ELMO1: variants seen among roughly 807,000 people sequenced by gnomAD.
ELMO1 encodes engulfment and cell motility protein 1.
A neutral mutation model predicts 98.9 loss-of-function variants in ELMO1; 26 were observed. The ratio of observed to expected loss-of-function variants is 0.26; its 90% CI spans 0.19 to 0.36. ELMO1 has a LOEUF of 0.36. Among genes scored for constraint, ELMO1 ranks in the 10% least tolerant of loss-of-function variants. The pLI is 1.00. For synonymous variants in ELMO1, 346 were observed against 346.0 expected, an observed-to-expected ratio of 1.00 and a Z score of 0.00; for missense variants, 627 against 935.2, an observed-to-expected ratio of 0.67 and a Z score of 4.30.
intron 1 of ELMO1, among the ~76,000 whole-genome samples, chr7:37,364,346 C>T (rs1801815115): frequency 6.6e-6 from 1 of 152,178 alleles, no homozygotes; most frequent in East Asian, 1.9e-4. Flanking sequence ...AAATCTATGA[C>T]TAAAATTGTT....
rs1298766536 is a variant in ELMO1, at chr7:37,292,043, C to G, written c.193-20161G>C. 1.6e-5 allele frequency among the ~76,000 whole-genome samples: 2 copies of G among 125,992 alleles called. 1 individual carries two copies. The highest frequency in any genetic ancestry group is 5.3e-5 in the African/African-American group (2 of 37,782). 82.7% of individuals were successfully genotyped at this position (125,992 alleles called of 152,430 possible). On this transcript the variant is annotated intron_variant, in intron 4 of 21. Coordinates refer to ENST00000310758, the MANE Select transcript of ELMO1 (RefSeq NM_014800.11). ...CTGCCATCTCGGCTCACTGCAACCTCCCTGCCTGATTCTCCTGCCTCAGCT... is the reference window on the plus strand; with the variant it reads ...CTGCCATCTCGGCTCACTGCAACCTGCCTGCCTGATTCTCCTGCCTCAGCT...
chr7:37,428,774 G>A (rs946301844), intron 1 of ELMO1, among the ~76,000 whole-genome samples: 18 of 152,234 alleles, frequency 1.2e-4, no homozygotes, highest in African/African-American at 4.3e-4. Context: ...AACATACGAT[G>A]TATAGTGCTT....
intron 13 of ELMO1, among the ~76,000 whole-genome samples, chr7:37,203,457 G>T (rs1032130440): frequency 3.9e-5 from 6 of 152,172 alleles, no homozygotes; most frequent in Admixed American, 3.9e-4. Context: ...CTAGCTTCAG[G>T]AATAGCTTTT....
intron 13 of ELMO1, among the ~76,000 whole-genome samples, chr7:37,183,827 C>CA (rs1172759584): frequency 2.6e-5 from 4 of 152,050 alleles, no homozygotes; most frequent in African/African-American, 9.7e-5. Flanking sequence ...AAAATAAAGG[C>CA]AAAATACCTT....
intron 5 of ELMO1, among the ~76,000 whole-genome samples, chr7:37,264,304 AAT>A (rs5883590): frequency 0.32 from 48,143 of 151,886 alleles, 7,709 homozygotes; most frequent in Middle Eastern, 0.42. Flanking sequence ...TGCATAAATG[AAT>A]ATATATATGA....
At chr7:37,082,357 A>G (rs548317550) in intron 15 of ELMO1, among the ~76,000 whole-genome samples, 9 of 152,104 alleles carry the variant, frequency 5.9e-5, no homozygotes, top group Non-Finnish European at 1.2e-4. Flanking sequence ...AACTCCTCTC[A>G]AAAGATTCTG....
At chr7:37,413,685 C>G (rs2131505698) in intron 1 of ELMO1, among the ~76,000 whole-genome samples, 1 of 152,128 alleles carries the variant, frequency 6.6e-6, no homozygotes, top group South Asian at 2.1e-4. Flanking sequence ...TTTTTGGGGG[C>G]AGTTGTGGGG....
At chr7:37,132,687 G>C (rs1787006147) in intron 14 of ELMO1, among the ~76,000 whole-genome samples, 1 of 152,182 alleles carries the variant, frequency 6.6e-6, no homozygotes, top group African/African-American at 2.4e-5. Context: ...TGACGAGTCT[G>C]ACGTGAAATG....
intron 1 of ELMO1, among the ~76,000 whole-genome samples, chr7:37,433,217 G>A (rs1307583541): frequency 3.3e-5 from 5 of 152,184 alleles, no homozygotes; most frequent in Non-Finnish European, 4.4e-5. Context: ...ACTGTTAAAA[G>A]GACACAGTGC....
intron 11 of ELMO1, among the ~76,000 whole-genome samples, chr7:37,214,932 G>A (rs912802011): frequency 6.6e-6 from 1 of 152,110 alleles, no homozygotes; most frequent in Non-Finnish European, 1.5e-5. Context: ...CATATCTCAG[G>A]GCATTCTAAC....
At chr7:37,245,897 A>T (rs112140773) in intron 6 of ELMO1, among the ~76,000 whole-genome samples, 1 of 152,226 alleles carries the variant, frequency 6.6e-6, no homozygotes, top group Non-Finnish European at 1.5e-5. Flanking sequence ...ATCAAAATCA[A>T]TAATAATAGT....
chr7:37,422,090 T>C (rs993930766), intron 1 of ELMO1, among the ~76,000 whole-genome samples: 9 of 152,250 alleles, frequency 5.9e-5, no homozygotes, highest in Admixed American at 5.2e-4. Context: ...TTAGCTCTCA[T>C]GTTTAGAACA....
At chr7:37,246,937 G>A (rs1203708085) in intron 6 of ELMO1, among the ~76,000 whole-genome samples, 1 of 151,890 alleles carries the variant, frequency 6.6e-6, no homozygotes, top group South Asian at 2.1e-4. Context: ...CCTTTCCACT[G>A]GTGGAAAACT....
chr7:37,123,007 A>C (rs1441959285), intron 14 of ELMO1, among the ~76,000 whole-genome samples: 1 of 152,178 alleles, frequency 6.6e-6, no homozygotes, highest in Non-Finnish European at 1.5e-5. Context: ...AACTACATGG[A>C]AACTGAACAA....
At chr7:36,865,627 C>T (rs1214861460) in intron 20 of ELMO1, among the ~76,000 whole-genome samples, 1 of 152,212 alleles carries the variant, frequency 6.6e-6, no homozygotes, top group Non-Finnish European at 1.5e-5. Flanking sequence ...GGAAAGTCTT[C>T]TCCTCATTCT....
At chr7:37,167,050 A>C (rs1478199055) in intron 13 of ELMO1, among the ~76,000 whole-genome samples, 1 of 152,184 alleles carries the variant, frequency 6.6e-6, no homozygotes, top group Non-Finnish European at 1.5e-5. Context: ...TATTTAGGAT[A>C]GTTAGCTCTT....
chr7:37,192,968 GAGAT>G (rs1266822176), intron 13 of ELMO1, among the ~76,000 whole-genome samples: 6,647 of 90,746 alleles, frequency 0.073, 234 homozygotes, highest in Non-Finnish European at 0.094. Flanking sequence ...ATATATATAG[GAGAT>G]ATATATATAT....
intron 18 of ELMO1, among the ~76,000 whole-genome samples, chr7:36,881,826 A>G (rs1433304734): frequency 2.0e-5 from 3 of 152,226 alleles, no homozygotes; most frequent in African/African-American, 4.8e-5. Flanking sequence ...ACTTCCTACA[A>G]TGATGGAAAT....
At chr7:37,172,466 T>A (rs1790231195) in intron 13 of ELMO1, among the ~76,000 whole-genome samples, 1 of 152,206 alleles carries the variant, frequency 6.6e-6, no homozygotes, top group Non-Finnish European at 1.5e-5. Context: ...ATCCTTCATT[T>A]CATTTCCTCC....
Sources: allele counts gnomAD v4.1 joint callset (sites outside exome capture counted in the v4.1 genomes callset), GRCh38; gene constraint gnomAD v4.1.1; transcripts MANE v1.5; gene names NCBI Gene and HGNC (gene_info 2026-07-23, HGNC 2026-07-21).